Variants in PPTC7 observed in about 807,000 individuals in gnomAD.
PPTC7 encodes protein phosphatase targeting COQ7, also known as protein phosphatase PTC7 homolog.
In PPTC7, 6 loss-of-function variants were observed where a neutral mutation model predicts 30.8. That is an observed-to-expected ratio of 0.19 (90% CI 0.11 to 0.38). The LOEUF (loss-of-function observed/expected upper bound fraction) is 0.38. PPTC7 is among the 10% of genes least tolerant of loss of function. PPTC7 has a pLI of 1.00. For missense variants in PPTC7, 218 were observed against 404.8 expected (o/e 0.54, Z 3.96); for synonymous variants, 163 against 168.1 (o/e 0.97, Z 0.23).
At chr12:110,542,477 G>T (rs2064268901) in intron 3 of PPTC7, among the ~76,000 whole-genome samples, 1 of 151,890 alleles carries the variant, frequency 6.6e-6, no homozygotes. Context: ...TTCAAGACCA[G>T]CCTGCCCAAC....
At chr12:110,562,019 C>G (rs915895195) in intron 1 of PPTC7, among the ~76,000 whole-genome samples, 1 of 152,034 alleles carries the variant, frequency 6.6e-6, no homozygotes, top group Non-Finnish European at 1.5e-5. Flanking sequence ...ATAATTATCC[C>G]AAACGGAGAG....
At chr12:110,551,338 C>T (rs536869010) in intron 2 of PPTC7, among the ~76,000 whole-genome samples, 1 of 152,202 alleles carries the variant, frequency 6.6e-6, no homozygotes, top group Admixed American at 6.5e-5. Flanking sequence ...TTCTGGTTAG[C>T]CTATAGTTTC....
chr12:110,563,302 A>G (rs1166138343), intron 1 of PPTC7, among the ~76,000 whole-genome samples: 1 of 152,106 alleles, frequency 6.6e-6, no homozygotes, highest in Non-Finnish European at 1.5e-5. Flanking sequence ...GATGGACTGA[A>G]AAGTTCAACC....
At position 110,535,732 on chromosome 12, in the gene PPTC7, A is replaced by T. The variant is rs1034783548; in HGVS notation, c.*1305T>A. 6.6e-6 allele frequency: 1 copy of T among 152,616 alleles called. No individual in the cohort carries two copies. Among genetic ancestry groups the T allele is most frequent in the Non-Finnish European group, 1.5e-5 (1 of 68,028 alleles). 9.5% of individuals were successfully genotyped at this position (152,616 alleles called of 1,614,324 possible). A position where few individuals can be genotyped will look rare whatever the true frequency, so the allele number is the denominator to read the frequency against. On this transcript the variant is annotated 3_prime_UTR_variant, in exon 6 of 6. Transcript: ENST00000354300. ...TACCACCAAGTTAATGAAGGAAAAA[A>T]ACTGACCCAAAAATATATATCTTTA... is the stretch of plus-strand genomic sequence containing the variant.
intron 1 of PPTC7, among the ~76,000 whole-genome samples, chr12:110,558,120 T>G (rs983948266): frequency 6.6e-6 from 1 of 152,206 alleles, no homozygotes; most frequent in Non-Finnish European, 1.5e-5. Flanking sequence ...TATTCTACAG[T>G]TGGCAAGGGT....
chr12:110,568,625 A>G (rs765005141), intron 1 of PPTC7, among the ~76,000 whole-genome samples: 46 of 152,210 alleles, frequency 3.0e-4, no homozygotes, highest in Non-Finnish European at 5.6e-4. Context: ...TCAGGGTTGA[A>G]GTCTGTTTTG....
chr12:110,555,406 C>T (rs2064377942), intron 1 of PPTC7, among the ~76,000 whole-genome samples: 1 of 152,180 alleles, frequency 6.6e-6, no homozygotes, highest in African/African-American at 2.4e-5. Context: ...TGAAAGAAGA[C>T]TGGCCATGAA....
In PPTC7 at chr12:110,533,621, A is replaced by C. The variant is rs914026510; in HGVS notation, c.*3416T>G. 6.6e-6 allele frequency: 1 copy of C among 151,992 alleles called. No individual in the cohort carries two copies. Among genetic ancestry groups the C allele is most frequent in the Non-Finnish European group, 1.5e-5 (1 of 68,042 alleles). 9.4% of individuals were successfully genotyped at this position (151,992 alleles called of 1,614,324 possible). On this transcript the variant is annotated 3_prime_UTR_variant, in exon 6 of 6. Coordinates refer to ENST00000354300, the MANE Select transcript of PPTC7 (RefSeq NM_139283.2). The stretch of plus-strand genomic sequence containing the variant: ...TTTTTGATACTGTAAAATTTTTAAA[A>C]TGCAAAAATGTGATACAGTTTCCAG...
In PPTC7 at chr12:110,553,737, C is replaced by T. The variant is rs563229822; in HGVS notation, c.224-1769G>A. ...GGGGCTACCGTGAGCCATGATTACG[C>T]CACTGCACTCCAGCGTGGGTGGATC... On this transcript the variant is annotated intron_variant, in intron 1 of 5. Transcript: ENST00000354300. 2.6e-5 allele frequency among the ~76,000 whole-genome samples: 4 copies of T among 152,266 alleles called. No individual in the cohort carries two copies. The East Asian group carries it at 7.7e-4, about 29-fold the overall frequency.
At chr12:110,577,741 A>G (rs924384998) in intron 1 of PPTC7, among the ~76,000 whole-genome samples, 10 of 152,284 alleles carry the variant, frequency 6.6e-5, no homozygotes, top group Non-Finnish European at 1.2e-4. Context: ...AACATCCCAC[A>G]GTTTCATAAT....
At chr12:110,538,347 T>C in intron 4 of PPTC7, 74 bp from the exon 5 acceptor site, 1 of 1,421,184 alleles carries the variant, frequency 7.0e-7, no homozygotes, top group African/African-American at 1.4e-5. Context: ...ACCTTTTCCA[T>C]CATGTAAGTT....
chr12:110,579,305 C>CA (rs1174710007), intron 1 of PPTC7, among the ~76,000 whole-genome samples: 10 of 152,348 alleles, frequency 6.6e-5, no homozygotes, highest in African/African-American at 2.4e-4. Flanking sequence ...TCCTCCACAA[C>CA]AGGACAGTCC....
intron 2 of PPTC7, among the ~76,000 whole-genome samples, chr12:110,548,411 T>C (rs1345890833): frequency 1.3e-5 from 2 of 152,218 alleles, no homozygotes; most frequent in Non-Finnish European, 2.9e-5. Flanking sequence ...TATGCGTTAG[T>C]ACTAACTCAT....
In PPTC7 at chr12:110,533,972, A is replaced by G. The variant is rs1277196301; in HGVS notation, c.*3065T>C. 2 of 152,214 alleles carry G rather than the reference A, an allele frequency of 1.3e-5. No individual in the cohort carries two copies. Among genetic ancestry groups the G allele is most frequent in the African/African-American group, 4.8e-5 (2 of 41,446 alleles). 9.4% of individuals were successfully genotyped at this position (152,214 alleles called of 1,614,324 possible). On this transcript the variant is annotated 3_prime_UTR_variant, in exon 6 of 6. Coordinates refer to ENST00000354300, the MANE Select transcript of PPTC7 (RefSeq NM_139283.2). Reference sequence around the variant, plus strand: ...TCTAGACACAGCCCAACCCCCAGACATGCATACCTGGAATGGATTCTTTTG... The same window carrying G: ...TCTAGACACAGCCCAACCCCCAGACGTGCATACCTGGAATGGATTCTTTTG...
chr12:110,559,066 C>T (rs2064414955), intron 1 of PPTC7, among the ~76,000 whole-genome samples: 3 of 152,176 alleles, frequency 2.0e-5, no homozygotes, highest in African/African-American at 4.8e-5. Flanking sequence ...CTCTGTCACC[C>T]AGGCTGGAGT....
At chr12:110,571,727 C>A (rs1196423964) in intron 1 of PPTC7, among the ~76,000 whole-genome samples, 1 of 152,108 alleles carries the variant, frequency 6.6e-6, no homozygotes, top group Non-Finnish European at 1.5e-5. Context: ...CTTCAGGCAT[C>A]CACAAAACAT....
intron 1 of PPTC7, among the ~76,000 whole-genome samples, chr12:110,565,254 T>C (rs1260619417): frequency 6.6e-6 from 1 of 151,950 alleles, no homozygotes; most frequent in Non-Finnish European, 1.5e-5. Context: ...TTTCATACTT[T>C]TTTTGTTTTG....
At chr12:110,561,823 G>C (rs544172355) in intron 1 of PPTC7, among the ~76,000 whole-genome samples, 1 of 152,104 alleles carries the variant, frequency 6.6e-6, no homozygotes, top group South Asian at 2.1e-4. Flanking sequence ...GCCAGGCATG[G>C]TGGCACACAC....
chr12:110,582,734 T>G (rs1270218066), intron 1 of PPTC7, 75 bp downstream of exon 1: 1 of 1,275,918 alleles, frequency 7.8e-7, no homozygotes, highest in Admixed American at 2.3e-5. Flanking sequence ...CGGGAGGAAC[T>G]GGGGAAGCCC....
Sources: allele counts gnomAD v4.1 joint callset (sites outside exome capture counted in the v4.1 genomes callset), GRCh38; gene constraint gnomAD v4.1.1; transcripts MANE v1.5; gene names NCBI Gene and HGNC (gene_info 2026-07-23, HGNC 2026-07-21).